Variants in PLXNA4 observed in about 807,000 individuals in gnomAD.
PLXNA4 encodes plexin-A4.
In PLXNA4, 44 loss-of-function variants were observed where a neutral mutation model predicts 191.8. The observed-to-expected ratio is 0.23, with a 90% confidence interval of 0.18 to 0.29. PLXNA4 has a LOEUF of 0.29. Ranked by LOEUF, PLXNA4 falls within the 10% of genes least tolerant of loss-of-function variation. The pLI is 1.00. For missense variants in PLXNA4, 1,800 were observed against 2,488.8 expected (o/e 0.72, Z 5.89); for synonymous variants, 1,082 against 1,009.5 (o/e 1.07, Z -1.36).
Position 132,164,269 on chromosome 7 carries a change from A to T in PLXNA4, c.4373T>A (p.Leu1458His), listed in dbSNP as rs1345881905. The change falls in exon 24 of 32, where the codon CTC becomes CAC. Residue 1458 changes from leucine (L) to histidine (H), a missense_variant. By Grantham distance (99) the Leu-to-His change is moderately conservative. Transcript: ENST00000321063. ...CTTGATGGCACAGAACAGGGAGAAG[A>T]GGGGCTCCCCAGCACACTCCTGGAG... is the stretch of plus-strand genomic sequence containing the variant. ...KFLKECAGEP[L>H]FSLFCAIKQQ... 1.2e-6 allele frequency: 2 copies of T among 1,614,174 alleles called. No homozygotes were observed. Among genetic ancestry groups the T allele is most frequent in the Admixed American group, 1.7e-5 (1 of 60,026 alleles).
At chr7:132,252,264 G>T (rs1172186624) in intron 4 of PLXNA4, among the ~76,000 whole-genome samples, 3 of 143,996 alleles carry the variant, frequency 2.1e-5, no homozygotes, top group African/African-American at 7.6e-5. Context: ...CTTCAAATAT[G>T]AAAGGACAAT....
At chr7:132,571,291 C>A (rs1289360315) in intron 1 of PLXNA4, among the ~76,000 whole-genome samples, 2 of 152,152 alleles carry the variant, frequency 1.3e-5, no homozygotes, top group African/African-American at 4.8e-5. Flanking sequence ...TTAGCCTGCA[C>A]CATCTCAGGT....
intron 25 of PLXNA4, among the ~76,000 whole-genome samples, chr7:132,155,959 C>T (rs533584403): frequency 8.5e-5 from 13 of 152,278 alleles, no homozygotes; most frequent in Non-Finnish European, 1.5e-4. Flanking sequence ...AGACTGACCT[C>T]CCTTGAGAAA....
intron 12 of PLXNA4, 89 bp downstream of exon 12, chr7:132,202,557 G>A (rs942238151): frequency 1.9e-5 from 25 of 1,325,574 alleles, no homozygotes; most frequent in African/African-American, 1.5e-4. Context: ...CTGGGTGACC[G>A]ACACCACGGC....
At chr7:132,388,501 T>C (rs1217139446) in intron 3 of PLXNA4, among the ~76,000 whole-genome samples, 2 of 152,168 alleles carry the variant, frequency 1.3e-5, no homozygotes, top group African/African-American at 4.8e-5. Flanking sequence ...TATTATTGTA[T>C]TGTAATAGTC....
intron 4 of PLXNA4, among the ~76,000 whole-genome samples, chr7:132,249,151 T>G (rs1237310954): frequency 6.6e-6 from 1 of 152,278 alleles, no homozygotes; most frequent in Non-Finnish European, 1.5e-5. Flanking sequence ...TCTGTGTGTC[T>G]GGGTGACCTT....
chr7:132,484,696 A>G, intron 3 of PLXNA4: 3 of 1,470,786 alleles, frequency 2.0e-6, no homozygotes, highest in Non-Finnish European at 2.7e-6. Context: ...TTCCTAGTCT[A>G]TTTGGTGTTC....
intron 3 of PLXNA4, among the ~76,000 whole-genome samples, chr7:132,299,623 G>A (rs1181362065): frequency 6.6e-6 from 1 of 152,126 alleles, no homozygotes; most frequent in Non-Finnish European, 1.5e-5. Context: ...ATTCCTTATT[G>A]ATATAATCCT....
At chr7:132,291,686 G>A (rs1422057428) in intron 4 of PLXNA4, among the ~76,000 whole-genome samples, 1 of 152,186 alleles carries the variant, frequency 6.6e-6, no homozygotes, top group African/African-American at 2.4e-5. Context: ...TGCATGTCGA[G>A]AGCTGGCCAT....
At chr7:132,521,927 A>G (rs1225706164) in intron 1 of PLXNA4, among the ~76,000 whole-genome samples, 1 of 152,118 alleles carries the variant, frequency 6.6e-6, no homozygotes, top group African/African-American at 2.4e-5. Context: ...TACAGAAAGG[A>G]GCATGTTGGT....
chr7:132,190,820 G>A (rs1388240557), intron 14 of PLXNA4, among the ~76,000 whole-genome samples: 1 of 152,210 alleles, frequency 6.6e-6, no homozygotes, highest in Non-Finnish European at 1.5e-5. Flanking sequence ...GCAGGTGGCA[G>A]GCCAAGGCAA....
intron 1 of PLXNA4, among the ~76,000 whole-genome samples, chr7:132,513,660 T>TTTTAGTTTTGTTTTG (rs1798825515): frequency 6.6e-6 from 1 of 150,564 alleles, no homozygotes; most frequent in African/African-American, 2.5e-5. Context: ...TTTGTTTTAG[T>TTTTAGTTTTGTTTTG]TTTTGTTTTG....
At chr7:132,359,866 G>C (rs1803865515) in intron 3 of PLXNA4, among the ~76,000 whole-genome samples, 1 of 152,202 alleles carries the variant, frequency 6.6e-6, no homozygotes, top group Non-Finnish European at 1.5e-5. Context: ...AGGGAGCGGG[G>C]AAGTCCTGAA....
At chr7:132,611,038 C>T (rs948353754) in intron 2 of PLXNA4, among the ~76,000 whole-genome samples, 31 of 152,340 alleles carry the variant, frequency 2.0e-4, no homozygotes, top group African/African-American at 7.2e-4. Context: ...CAGTCACCCC[C>T]TTTCCCCATC....
Position 132,133,194 on chromosome 7 carries a change from T to A in PLXNA4, c.5444A>T (p.Tyr1815Phe). Residue 1815 changes from tyrosine (Y) to phenylalanine (F), a missense_variant, in exon 31 of 32, where the codon TAC becomes TTC. By Grantham distance (22) the Tyr-to-Phe change is conservative (BLOSUM62 3). Transcript: ENST00000321063. The stretch of plus-strand genomic sequence containing the variant: ...GGCTGGCATCTTCCCTATGTCTGAG[T>A]AATACCTGTGGAGGGATGGAAATAG... ...PSYKNWVERYYSDIGKMPAIS... is the reference protein window; with the variant it reads ...PSYKNWVERYFSDIGKMPAIS... 6.2e-7 allele frequency: 1 copy of A among 1,614,016 alleles called. No individual in the cohort carries two copies. The highest frequency in any genetic ancestry group is 8.5e-7 in the Non-Finnish European group (1 of 1,179,962).
intron 16 of PLXNA4, among the ~76,000 whole-genome samples, chr7:132,182,683 C>T (rs1031279412): frequency 6.6e-6 from 1 of 152,176 alleles, no homozygotes; most frequent in African/African-American, 2.4e-5. Context: ...AATTTTCTAT[C>T]TTGGAGGCTT....
chr7:132,159,745 G>C (rs1795893301), intron 24 of PLXNA4, 113 bp from the exon 25 acceptor site: 3 of 1,508,902 alleles, frequency 2.0e-6, no homozygotes. Flanking sequence ...CTCCAGGATG[G>C]GCTAGGGAGG....
At chr7:132,141,776 C>T (rs1013503492) in intron 29 of PLXNA4, among the ~76,000 whole-genome samples, 5 of 152,124 alleles carry the variant, frequency 3.3e-5, no homozygotes, top group African/African-American at 4.8e-5. Context: ...GTCACCCAAG[C>T]GGGAGTGCAG....
intron 25 of PLXNA4, among the ~76,000 whole-genome samples, chr7:132,151,370 AAAG>A (rs1795611401): frequency 2.6e-5 from 1 of 38,478 alleles, no homozygotes; most frequent in Admixed American, 3.1e-4. Context: ...GGAGGAGGAG[AAAG>A]GAGGAGGAGG....
Sources: allele counts gnomAD v4.1 joint callset (sites outside exome capture counted in the v4.1 genomes callset), GRCh38; gene constraint gnomAD v4.1.1; transcripts MANE v1.5; gene names NCBI Gene and HGNC (gene_info 2026-07-23, HGNC 2026-07-21).